The following CHN2 variants were observed in gnomAD, a reference collection of about 807,000 sequenced individuals.
CHN2 encodes beta-chimaerin.
A neutral mutation model predicts 56.3 loss-of-function variants in CHN2; 35 were observed. The observed-to-expected ratio is 0.62, with a 90% confidence interval of 0.47 to 0.82. CHN2 has a LOEUF of 0.82. CHN2 is among the 40% of genes least tolerant of loss of function. CHN2 has a pLI of 0.00. For synonymous variants in CHN2, 210 were observed against 212.8 expected (o/e 0.99, Z 0.12); for missense variants, 491 against 580.5 (o/e 0.85, Z 1.58).
intron 6 of CHN2, among the ~76,000 whole-genome samples, chr7:29,466,664 C>G (rs1040209438): frequency 6.6e-6 from 1 of 152,140 alleles, no homozygotes; most frequent in Non-Finnish European, 1.5e-5. Flanking sequence ...AGTTACTTAA[C>G]CACTTGTTTT....
chr7:29,241,720 A>AGGTCCTG (rs1479287402), intron 1 of CHN2, among the ~76,000 whole-genome samples: 3 of 152,110 alleles, frequency 2.0e-5, no homozygotes, highest in Admixed American at 6.5e-5. Context: ...GCCAGGTAGT[A>AGGTCCTG]GGTCCTGAAG....
chr7:29,304,293 C>G (rs975606932), intron 1 of CHN2, among the ~76,000 whole-genome samples: 1 of 152,176 alleles, frequency 6.6e-6, no homozygotes, highest in Non-Finnish European at 1.5e-5. Flanking sequence ...GAAGCCTAAT[C>G]CTTGGCATCC....
At chr7:29,203,899 T>C (rs1439958094) in intron 1 of CHN2, among the ~76,000 whole-genome samples, 1 of 152,254 alleles carries the variant, frequency 6.6e-6, no homozygotes, top group Non-Finnish European at 1.5e-5. Context: ...TTTGTCACAT[T>C]CTTGTTTAGA....
intron 1 of CHN2, among the ~76,000 whole-genome samples, chr7:29,253,933 C>T (rs1788848657): frequency 6.6e-6 from 1 of 152,042 alleles, no homozygotes. Flanking sequence ...GAGACGGAGT[C>T]TTGCTCTGTC....
intron 6 of CHN2, among the ~76,000 whole-genome samples, chr7:29,421,563 C>T (rs1287142543): frequency 2.0e-5 from 3 of 152,232 alleles, no homozygotes. Context: ...GCCTGCACTT[C>T]CTCCTGCTTT....
At chr7:29,191,267 A>C (rs1327929913), upstream of CHN2, among the ~76,000 whole-genome samples, 5 of 152,240 alleles carry the variant, frequency 3.3e-5, no homozygotes. Context: ...AATATATACC[A>C]AAAGTACCAT....
chr7:29,172,697 G>T (rs1796758141), intron 2 of CHN2, among the ~76,000 whole-genome samples: 1 of 151,914 alleles, frequency 6.6e-6, no homozygotes, highest in Non-Finnish European at 1.5e-5. Flanking sequence ...TTGACATACA[G>T]TCATCTGACC....
chr7:29,447,062 G>A (rs942866933), intron 6 of CHN2, among the ~76,000 whole-genome samples: 1 of 152,180 alleles, frequency 6.6e-6, no homozygotes, highest in Non-Finnish European at 1.5e-5. Flanking sequence ...CATACCCAGC[G>A]CCTGGCAAGG....
intron 1 of CHN2, among the ~76,000 whole-genome samples, chr7:29,347,346 A>C (rs1191984266): frequency 6.6e-6 from 1 of 152,192 alleles, no homozygotes; most frequent in African/African-American, 2.4e-5. Context: ...AGTGGACTGT[A>C]TCAGTCCATT....
chr7:29,318,308 C>T (rs1265474013), intron 1 of CHN2, among the ~76,000 whole-genome samples: 1 of 152,208 alleles, frequency 6.6e-6, no homozygotes, highest in Non-Finnish European at 1.5e-5. Flanking sequence ...AATTGGCCTA[C>T]ATATTGTCTC....
At chr7:29,396,525 C>A (rs1465622708) in intron 4 of CHN2, 1 of 151,936 alleles carries the variant, frequency 6.6e-6, no homozygotes, top group Non-Finnish European at 1.5e-5. Flanking sequence ...TTAGAGACTA[C>A]CCCTTTTCCT....
chr7:29,471,990 A>G (rs1786091442), intron 6 of CHN2, among the ~76,000 whole-genome samples: 1 of 152,166 alleles, frequency 6.6e-6, no homozygotes, highest in Non-Finnish European at 1.5e-5. Flanking sequence ...TATAACAAAC[A>G]GGGCAATTCT....
intron 1 of CHN2, among the ~76,000 whole-genome samples, chr7:29,317,451 A>T (rs549379490): frequency 6.6e-6 from 1 of 151,816 alleles, no homozygotes; most frequent in East Asian, 2.0e-4. Flanking sequence ...GACCAAAAGC[A>T]TTCAGTATCC....
intron 7 of CHN2, among the ~76,000 whole-genome samples, chr7:29,486,058 T>C (rs974430336): frequency 9.2e-5 from 14 of 152,008 alleles, no homozygotes; most frequent in African/African-American, 2.9e-4. Context: ...GCTTCCCTTT[T>C]CTCCCTAGCG....
intron 1 of CHN2, chr7:29,335,693 T>C (rs534469508): frequency 2.0e-5 from 3 of 152,256 alleles, no homozygotes; most frequent in Non-Finnish European, 4.4e-5. Flanking sequence ...GATTGTTCTT[T>C]TCCTCTTTAA....
At chr7:29,421,077 G>A (rs906148125) in intron 6 of CHN2, among the ~76,000 whole-genome samples, 1 of 152,200 alleles carries the variant, frequency 6.6e-6, no homozygotes, top group African/African-American at 2.4e-5. Flanking sequence ...ACAGGCGTGA[G>A]CCACCATGTC....
chr7:29,185,532 C>T (rs566550627), intron 2 of CHN2: 1 of 152,080 alleles, frequency 6.6e-6, no homozygotes, highest in African/African-American at 2.4e-5. Flanking sequence ...TCAAGCTCTT[C>T]AACAATATAA....
At chr7:29,165,742 A>C (rs934831099) in intron 2 of CHN2, among the ~76,000 whole-genome samples, 5 of 152,058 alleles carry the variant, frequency 3.3e-5, no homozygotes, top group Non-Finnish European at 5.9e-5. Flanking sequence ...AAATTTTTTC[A>C]TCATGAATAG....
intron 3 of CHN2, among the ~76,000 whole-genome samples, chr7:29,377,869 G>A (rs1269254743): frequency 6.6e-6 from 1 of 152,194 alleles, no homozygotes; most frequent in Non-Finnish European, 1.5e-5. Flanking sequence ...TATTTACATG[G>A]CCAGTGTCAT....
Sources: gnomAD v4.1 joint callset for allele counts (sites outside exome capture counted in the v4.1 genomes callset) on GRCh38, gnomAD v4.1.1 for gene constraint, MANE v1.5 for transcripts, NCBI Gene and HGNC (gene_info 2026-07-23, HGNC 2026-07-21) for gene names.